Variants in CFAP47 observed in about 807,000 individuals in gnomAD.
The protein encoded by CFAP47 is cilia- and flagella-associated protein 47.
Under a neutral mutation model 148.1 loss-of-function variants are expected in CFAP47, and 29 were observed. The observed-to-expected ratio is 0.20, with a 90% CI of 0.15 to 0.27. CFAP47 has a LOEUF of 0.27. Ranked by LOEUF, CFAP47 falls within the 10% of genes least tolerant of loss-of-function variation. The probability of loss-of-function intolerance (pLI) is 1.00; values close to 1 mark genes in which losing one functional copy is unlikely to be tolerated. For missense variants in CFAP47, 1,872 were observed against 1,697.5 expected, an observed-to-expected ratio of 1.10 and a Z score of -1.81; for synonymous variants, 664 against 577.3, an observed-to-expected ratio of 1.15 and a Z score of -2.15.
intron 45 of CFAP47, among the ~76,000 whole-genome samples, chrX:36,212,790 A>G (rs1940116828): frequency 9.0e-6 from 1 of 111,369 alleles, no homozygotes; most frequent in Non-Finnish European, 1.9e-5. Context: ...TCCATTGATC[A>G]TCCCCTCTCC....
chrX:36,057,148 C>T (rs751599703), intron 26 of CFAP47, among the ~76,000 whole-genome samples: 52 of 111,709 alleles, frequency 4.7e-4, no homozygotes, highest in African/African-American at 1.5e-3. Context: ...TCAATTTCTC[C>T]ATCCATCCAT....
At chrX:36,046,326 G>T (rs192122498) in intron 25 of CFAP47, among the ~76,000 whole-genome samples, 1,843 of 110,228 alleles carry the variant, frequency 0.017, 45 homozygotes, top group African/African-American at 0.057. Context: ...GCTATAAAAA[G>T]TATAAATGTA....
intron 49 of CFAP47, among the ~76,000 whole-genome samples, chrX:36,262,967 A>G (rs1569302861): frequency 1.8e-5 from 2 of 112,123 alleles, no homozygotes; most frequent in Admixed American, 1.9e-4. Context: ...CTGATGATCA[A>G]TAATGTTGAG....
chrX:36,125,900 A>G (rs1938827525), intron 33 of CFAP47, among the ~76,000 whole-genome samples: 1 of 111,157 alleles, frequency 9.0e-6, no homozygotes, highest in South Asian at 3.7e-4. Context: ...CATTTTTGCT[A>G]CATTTACTAT....
At chrX:36,187,080 C>T (rs1939815624) in intron 40 of CFAP47, among the ~76,000 whole-genome samples, 1 of 111,847 alleles carries the variant, frequency 8.9e-6, no homozygotes, top group Non-Finnish European at 1.9e-5. Flanking sequence ...GCTTTCTAGA[C>T]TCAGAAACAT....
chrX:36,144,785 T>A, intron 35 of CFAP47: 1 of 1,026,897 alleles, frequency 9.7e-7, no homozygotes, highest in South Asian at 1.8e-5. Context: ...TGCATTTTTT[T>A]CTCCTTCTGC....
At chrX:35,966,437 A>G in intron 8 of CFAP47, 128 bp from the exon 9 acceptor site, 1 of 315,338 alleles carries the variant, frequency 3.2e-6, no homozygotes, top group Non-Finnish European at 5.3e-6. Flanking sequence ...ATATTTCTGA[A>G]GTACTTTCAT....
chrX:36,078,947 G>T (rs1015278101), intron 29 of CFAP47, among the ~76,000 whole-genome samples: 1 of 111,003 alleles, frequency 9.0e-6, no homozygotes. Context: ...GCTTAGTTTG[G>T]CTGGATATGA....
rs144041606 is a variant in CFAP47 at position 35,993,350 on chromosome X, C to G, written c.3099+29C>G. On this transcript the variant is annotated intron_variant, in intron 18 of 63. Transcript: ENST00000378653. ...TGTCCATACATATGAGTTTTTGCACCTTACATATGTCTATGTGGGTTTGTT... is the reference window on the plus strand; with the variant it reads ...TGTCCATACATATGAGTTTTTGCACGTTACATATGTCTATGTGGGTTTGTT... 121 of 288,386 alleles carry G rather than the reference C, an allele frequency of 4.2e-4. No individual in the cohort carries two copies. The East Asian group carries it at 5.8e-3, about 14-fold the overall frequency. The allele number at this position is 288,386 out of a possible 1,213,427, so 23.8% of individuals were successfully genotyped here.
intron 49 of CFAP47, among the ~76,000 whole-genome samples, chrX:36,268,401 T>C (rs781855189): frequency 8.9e-6 from 1 of 112,844 alleles, no homozygotes; most frequent in Non-Finnish European, 1.9e-5. Flanking sequence ...TGCAACTTAA[T>C]TGTTTGCCAC....
At chrX:36,091,968 A>T (rs10127372) in intron 30 of CFAP47, among the ~76,000 whole-genome samples, 6,169 of 111,057 alleles carry the variant, frequency 0.056, 474 homozygotes, top group African/African-American at 0.19. Flanking sequence ...ACTGAGTTAG[A>T]CCTGAATATC....
intron 45 of CFAP47, among the ~76,000 whole-genome samples, chrX:36,210,487 G>T (rs1940087128): frequency 8.9e-6 from 1 of 111,936 alleles, no homozygotes; most frequent in Non-Finnish European, 1.9e-5. Flanking sequence ...GTGCTTATTT[G>T]CCATTTGTAT....
rs781836876 is a variant in CFAP47 at position 36,304,989 on chromosome X, G to A, written c.8082+1029G>A. ...AAGGGACTTCAAAGTAAATCATGAA[G>A]CCCTGCTAGTAGATATAGTATTTAA... On this transcript the variant is annotated intron_variant, in intron 54 of 63. Transcript: ENST00000378653. Among the ~76,000 whole-genome samples, 6 of 111,975 alleles carry A rather than the reference G, an allele frequency of 5.4e-5. No homozygotes were observed. The East Asian group carries it at 1.7e-3, about 31-fold the overall frequency.
chrX:36,291,507 T>A (rs1941192144), intron 51 of CFAP47, among the ~76,000 whole-genome samples: 1 of 111,061 alleles, frequency 9.0e-6, no homozygotes, highest in Non-Finnish European at 1.9e-5. Flanking sequence ...ATAAAACAAT[T>A]TTTGGCTACT....
chrX:36,090,424 C>T (rs932795467), intron 30 of CFAP47, among the ~76,000 whole-genome samples: 9 of 111,898 alleles, frequency 8.0e-5, no homozygotes, highest in African/African-American at 2.6e-4. Context: ...ACCTATGGAA[C>T]TTGCAATCGT....
At chrX:36,296,870 A>G (rs1941247452) in intron 51 of CFAP47, among the ~76,000 whole-genome samples, 1 of 111,860 alleles carries the variant, frequency 8.9e-6, no homozygotes, top group African/African-American at 3.2e-5. Flanking sequence ...TTTAGTGGCC[A>G]AGTCCTCTAT....
chrX:35,992,613 C>G (rs1349565741), intron 17 of CFAP47, among the ~76,000 whole-genome samples: 2 of 111,203 alleles, frequency 1.8e-5, no homozygotes, highest in East Asian at 5.6e-4. Context: ...TCCCAAAAAC[C>G]TCTTGGCCAT....
At chrX:36,341,599 C>T (rs1228623594) in intron 57 of CFAP47, among the ~76,000 whole-genome samples, 1 of 110,967 alleles carries the variant, frequency 9.0e-6, no homozygotes, top group Non-Finnish European at 1.9e-5. Context: ...TTCCACATTT[C>T]AAATAGGAGA....
At chrX:36,303,208 A>G (rs1204733328) in intron 53 of CFAP47, among the ~76,000 whole-genome samples, 1 of 111,294 alleles carries the variant, frequency 9.0e-6, no homozygotes, top group Non-Finnish European at 1.9e-5. Flanking sequence ...TGTTTTAGAG[A>G]CAGGGTCTTG....
Sources: allele counts gnomAD v4.1 joint callset (sites outside exome capture counted in the v4.1 genomes callset), GRCh38; gene constraint gnomAD v4.1.1; transcripts MANE v1.5; gene names NCBI Gene and HGNC (gene_info 2026-07-23, HGNC 2026-07-21).